Variants in FUBP3 observed in about 807,000 individuals in gnomAD.
FUBP3 encodes far upstream element-binding protein 3.
A neutral mutation model predicts 85.6 loss-of-function variants in FUBP3; 28 were observed. The ratio of observed to expected loss-of-function variants is 0.33; its 90% CI spans 0.24 to 0.45. The LOEUF (loss-of-function observed/expected upper bound fraction) is 0.45, where lower values mean the gene tolerates loss of function less well. FUBP3 is among the 20% of genes least tolerant of loss of function. The pLI is 1.00. For synonymous variants in FUBP3, 271 were observed against 271.4 expected, an observed-to-expected ratio of 1.00 and a Z score of 0.01; for missense variants, 583 against 755.1, an observed-to-expected ratio of 0.77 and a Z score of 2.67.
In FUBP3 at chr9:130,637,318, A is replaced by G; in HGVS notation, c.*296A>G. 1 of 391,880 alleles carries G rather than the reference A, an allele frequency of 2.6e-6. No homozygotes were observed. Among genetic ancestry groups the G allele is most frequent in the Non-Finnish European group, 4.7e-6 (1 of 214,006 alleles). The allele number at this position is 391,880 out of a possible 1,614,324, so 24.3% of individuals were successfully genotyped here. On this transcript the variant is annotated 3_prime_UTR_variant, in exon 19 of 19. Coordinates refer to ENST00000319725, the MANE Select transcript of FUBP3 (RefSeq NM_003934.2). Reference sequence around the variant, plus strand: ...ATGTGCCTCAGAGCTGTGACATTTCAACATGATGGTTTTGGTTTGGTTTGG... The same window carrying G: ...ATGTGCCTCAGAGCTGTGACATTTCGACATGATGGTTTTGGTTTGGTTTGG...
chr9:130,579,968 G>C (rs1830062447), intron 1 of FUBP3, among the ~76,000 whole-genome samples: 1 of 152,250 alleles, frequency 6.6e-6, no homozygotes, highest in Admixed American at 6.5e-5. Context: ...TGTCGGGCGG[G>C]TCTCCCAGGT....
At chr9:130,584,574 G>A (rs1396986624) in intron 1 of FUBP3, among the ~76,000 whole-genome samples, 1 of 150,726 alleles carries the variant, frequency 6.6e-6, no homozygotes, top group East Asian at 2.0e-4. Flanking sequence ...AAAAAAGAGA[G>A]AGCAAGATTT....
rs1263981253 is a variant in FUBP3, at chr9:130,595,476, T to C, written c.85-7T>C. 2 of 1,373,936 alleles carry C rather than the reference T, an allele frequency of 1.5e-6. No individual in the cohort carries two copies. The highest frequency in any genetic ancestry group is 2.1e-6 in the Non-Finnish European group (2 of 960,536). 85.1% of individuals were successfully genotyped at this position (1,373,936 alleles called of 1,614,324 possible). On this transcript the variant is annotated splice_polypyrimidine_tract_variant and splice_region_variant and intron_variant, in intron 1 of 18. Transcript: ENST00000319725. Reference sequence around the variant, plus strand: ...TACTGAGTGTTTAAATCTGATTCTCTCTGTAGATTGCTGCTAAAATTGATT... The same window carrying C: ...TACTGAGTGTTTAAATCTGATTCTCCCTGTAGATTGCTGCTAAAATTGATT...
At chr9:130,622,597 C>A in intron 9 of FUBP3, 111 bp from the exon 10 acceptor site, 1 of 522,162 alleles carries the variant, frequency 1.9e-6, no homozygotes, top group Non-Finnish European at 3.4e-6. Flanking sequence ...TGCCACTGCA[C>A]TCCAGCCTGG....
chr9:130,616,815 G>A lies in FUBP3; in HGVS notation c.567+298G>A, dbSNP rs1235697522. On this transcript the variant is annotated intron_variant, in intron 7 of 18. Coordinates refer to ENST00000319725, the MANE Select transcript of FUBP3 (RefSeq NM_003934.2). This position sits in a 1 kb window ranked among gnomAD's most constrained non-coding sequence, Gnocchi z 4.7. ...GGGCTGCTTTTATCATCATAGGACA[G>A]CATCTCAGATAAAAGTGCAGTATTT... 2.0e-5 allele frequency among the ~76,000 whole-genome samples: 3 copies of A among 152,258 alleles called. No individual in the cohort carries two copies. In the East Asian group the frequency reaches 5.8e-4, roughly 29 times the overall value.
intron 18 of FUBP3, 140 bp from the exon 19 acceptor site, chr9:130,636,874 T>A (rs1405488718): frequency 1.4e-6 from 1 of 732,448 alleles, no homozygotes; most frequent in Non-Finnish European, 2.5e-6. Flanking sequence ...AAGTCCCTAG[T>A]GGAGAGAGAA....
chr9:130,615,003 C>T (rs903131933), intron 6 of FUBP3, among the ~76,000 whole-genome samples: 3 of 152,180 alleles, frequency 2.0e-5, no homozygotes, highest in Non-Finnish European at 2.9e-5. Context: ...CTTCAATCTA[C>T]GGAGCAGCAC....
At chr9:130,636,336 G>T in intron 18 of FUBP3, 1 of 668,194 alleles carries the variant, frequency 1.5e-6, no homozygotes, top group Admixed American at 2.3e-5. Flanking sequence ...TAGGCCAAGT[G>T]GGAGGATTGG....
rs1325416057 is a variant in FUBP3, at chr9:130,616,971, A to G, written c.567+454A>G. 1.3e-5 allele frequency among the ~76,000 whole-genome samples: 2 copies of G among 152,228 alleles called. No individual in the cohort carries two copies. The highest frequency in any genetic ancestry group is 2.9e-5 in the Non-Finnish European group (2 of 68,034). ...CAGGCTTCACTGTTGTGATGGAGCT[A>G]AAATAATAGCCGTTCTTTTCTTTTT... On this transcript the variant is annotated intron_variant, in intron 7 of 18. Transcript: ENST00000319725. This position sits in a 1 kb window ranked among gnomAD's most constrained non-coding sequence, Gnocchi z 4.7.
intron 1 of FUBP3, among the ~76,000 whole-genome samples, chr9:130,589,697 ATATATATATTTTT>A (rs1320881543): frequency 6.7e-5 from 2 of 29,964 alleles, no homozygotes; most frequent in Non-Finnish European, 1.2e-4. Flanking sequence ...ATATATATAT[ATATATATATTTTT>A]TTTTTTTTTT....
intron 8 of FUBP3, among the ~76,000 whole-genome samples, chr9:130,619,488 G>A (rs1011647713): frequency 6.6e-6 from 1 of 152,042 alleles, no homozygotes; most frequent in Non-Finnish European, 1.5e-5. Flanking sequence ...AGAATAACCA[G>A]GCCTAAGAAA....
intron 13 of FUBP3, chr9:130,631,111 T>C (rs1830192531): frequency 8.6e-7 from 1 of 1,158,202 alleles, no homozygotes; most frequent in South Asian, 3.8e-5. Context: ...TCCGCTGGCA[T>C]TGCCCTGGCG....
At position 130,595,570 on chromosome 9, in the gene FUBP3, C is replaced by T. The variant is rs748825354; in HGVS notation, c.172C>T (p.Arg58Trp). The change falls in exon 2 of 19, where the codon CGG becomes TGG. Residue 58 changes from arginine to tryptophan, a missense_variant. Transcript: ENST00000319725. ...PSVYGYGVQK[R>W]PLDDGVGNQL... ...AGTATATGGATACGGAGTACAAAAA[C>T]GGCCCTTGGATGATGGAGGTAAGTT... 17 of 1,531,224 alleles carry T rather than the reference C, an allele frequency of 1.1e-5. No individual in the cohort carries two copies. The highest frequency in any genetic ancestry group is 1.0e-4 in the South Asian group (9 of 89,492). 94.9% of individuals were successfully genotyped at this position (1,531,224 alleles called of 1,614,324 possible).
intron 9 of FUBP3, among the ~76,000 whole-genome samples, chr9:130,621,258 A>G (rs915801099): frequency 1.3e-5 from 2 of 151,456 alleles, no homozygotes; most frequent in African/African-American, 4.9e-5. Context: ...CTTAGGCAGG[A>G]GTACTGCTTG....
intron 1 of FUBP3, among the ~76,000 whole-genome samples, chr9:130,594,926 C>T (rs1190646638): frequency 7.2e-6 from 1 of 139,018 alleles, no homozygotes; most frequent in Non-Finnish European, 1.5e-5. Flanking sequence ...TAAGTGGTGA[C>T]TTAAAAATAC....
intron 1 of FUBP3, among the ~76,000 whole-genome samples, chr9:130,593,077 C>T (rs921129726): frequency 3.9e-5 from 6 of 152,182 alleles, no homozygotes; most frequent in African/African-American, 1.2e-4. Flanking sequence ...GTACAAGTTC[C>T]TCTGCCTAGA....
At chr9:130,631,413 G>A in intron 13 of FUBP3, 144 bp from the exon 14 acceptor site, 14 of 1,285,456 alleles carry the variant, frequency 1.1e-5, no homozygotes, top group Non-Finnish European at 1.4e-5. Context: ...GCTGTGGGAA[G>A]GAAGGCTAGT....
At chr9:130,596,072 C>G (rs2119028481) in intron 2 of FUBP3, among the ~76,000 whole-genome samples, 1 of 152,238 alleles carries the variant, frequency 6.6e-6, no homozygotes, top group East Asian at 1.9e-4. Flanking sequence ...TAGAAGCATC[C>G]CTTTTCTTTA....
At chr9:130,624,953 C>T (rs1283754919) in intron 11 of FUBP3, among the ~76,000 whole-genome samples, 1 of 152,120 alleles carries the variant, frequency 6.6e-6, no homozygotes, top group Non-Finnish European at 1.5e-5. Flanking sequence ...GACGTGGTGG[C>T]TCACGCCTGT....
Sources: gnomAD v4.1 joint callset for allele counts (sites outside exome capture counted in the v4.1 genomes callset) on GRCh38, gnomAD v4.1.1 for gene constraint, Gnocchi (gnomAD v3.1) non-coding constraint, MANE v1.5 for transcripts, NCBI Gene and HGNC (gene_info 2026-07-23, HGNC 2026-07-21) for gene names.